The following GRHL2 variants were observed in gnomAD, a reference collection of about 807,000 sequenced individuals.
GRHL2 encodes the protein grainyhead like transcription factor 2, also known as grainyhead-like protein 2 homolog.
A neutral mutation model predicts 83.8 loss-of-function variants in GRHL2; 21 were observed. The observed-to-expected ratio is 0.25, with a 90% CI of 0.18 to 0.36. The LOEUF is 0.36. Ranked by LOEUF, GRHL2 falls within the 10% of genes least tolerant of loss-of-function variation. The pLI is 1.00. For missense variants in GRHL2, 623 were observed against 781.8 expected, an observed-to-expected ratio of 0.80 and a Z score of 2.42; for synonymous variants, 280 against 278.9, an observed-to-expected ratio of 1.00 and a Z score of -0.04.
At chr8:101,542,043 C>T (rs905729042) in intron 1 of GRHL2, among the ~76,000 whole-genome samples, 1 of 152,168 alleles carries the variant, frequency 6.6e-6, no homozygotes, top group Non-Finnish European at 1.5e-5. Flanking sequence ...TATCATTTTA[C>T]ACAGCATTAC....
chr8:101,533,758 G>A (rs1651694877), intron 1 of GRHL2, among the ~76,000 whole-genome samples: 1 of 152,188 alleles, frequency 6.6e-6, no homozygotes, highest in Non-Finnish European at 1.5e-5. Flanking sequence ...TAAAGGAGAT[G>A]AGAGAGCTAG....
intron 11 of GRHL2, 74 bp from the exon 12 acceptor site, chr8:101,636,817 TAGGAAA>T (rs1813296608): frequency 1.6e-6 from 2 of 1,262,632 alleles, no homozygotes; most frequent in Non-Finnish European, 1.2e-6. Context: ...GTTTATGCCT[TAGGAAA>T]GTCTGTACAT....
intron 8 of GRHL2, among the ~76,000 whole-genome samples, chr8:101,615,185 C>T (rs1192828105): frequency 6.6e-6 from 1 of 152,148 alleles, no homozygotes; most frequent in East Asian, 1.9e-4. Flanking sequence ...TTTATAACTC[C>T]TCCAGGGAAA....
At chr8:101,568,838 T>A (rs1017073647) in intron 4 of GRHL2, among the ~76,000 whole-genome samples, 1 of 152,156 alleles carries the variant, frequency 6.6e-6, no homozygotes, top group African/African-American at 2.4e-5. Context: ...CTGGGATTCA[T>A]GTGGGTAAAA....
chr8:101,638,710 A>G (rs775235891), intron 12 of GRHL2, among the ~76,000 whole-genome samples: 8 of 152,246 alleles, frequency 5.3e-5, no homozygotes, highest in Non-Finnish European at 1.0e-4. Context: ...TAAATTTTCT[A>G]AATGCCTAAT....
intron 1 of GRHL2, among the ~76,000 whole-genome samples, chr8:101,495,481 T>C (rs937198619): frequency 1.3e-5 from 2 of 152,216 alleles, no homozygotes; most frequent in Non-Finnish European, 1.5e-5. Context: ...TATTTTAAAA[T>C]TCTCTACTCC....
chr8:101,669,951 G>A (rs117809609), downstream of GRHL2, among the ~76,000 whole-genome samples: 2 of 152,192 alleles, frequency 1.3e-5, no homozygotes, highest in African/African-American at 4.8e-5. Flanking sequence ...GACCACGGCA[G>A]GCTCCCCAGG....
intron 4 of GRHL2, among the ~76,000 whole-genome samples, chr8:101,560,002 TTTTG>T (rs1186590757): frequency 1.3e-5 from 2 of 152,090 alleles, no homozygotes; most frequent in African/African-American, 4.8e-5. Context: ...GTTCTTGCTT[TTTTG>T]TTTGTTTGTT....
At chr8:101,618,460 C>T (rs904664807) in intron 8 of GRHL2, among the ~76,000 whole-genome samples, 7 of 152,120 alleles carry the variant, frequency 4.6e-5, no homozygotes, top group Non-Finnish European at 7.4e-5. Context: ...TCAGATCTTA[C>T]ATTTAACAAT....
chr8:101,645,096 C>T (rs1813482732), intron 13 of GRHL2, among the ~76,000 whole-genome samples: 1 of 149,892 alleles, frequency 6.7e-6, no homozygotes, highest in Admixed American at 6.6e-5. Context: ...CCTCTTGCCT[C>T]AGTCTGCCAG....
chr8:101,606,639 G>A (rs994310018), intron 8 of GRHL2, among the ~76,000 whole-genome samples: 1 of 152,218 alleles, frequency 6.6e-6, no homozygotes, highest in African/African-American at 2.4e-5. Flanking sequence ...CATTTGATGT[G>A]GCCTGGGTCA....
intron 1 of GRHL2, chr8:101,529,262 A>G: frequency 9.7e-6 from 2 of 206,910 alleles, no homozygotes; most frequent in Non-Finnish European, 1.9e-5. Flanking sequence ...GTGAAACCCC[A>G]TCTCTACTAA....
In GRHL2 at chr8:101,632,277, C is replaced by T. The variant is rs750611454; in HGVS notation, c.1397C>T (p.Thr466Ile). ...CCTTTACAGAAGAAGAGTGACATCA[C>T]CTACTTCAAAACCATGCCTGATCTC... ...AIPLQKKSDITYFKTMPDLHS... is the reference protein window; with the variant it reads ...AIPLQKKSDIIYFKTMPDLHS... Residue 466 changes from threonine (T) to isoleucine (I), a missense_variant, in exon 11 of 16, where the codon ACC (threonine) becomes ATC (isoleucine). Thr to Ile is a moderately conservative substitution (Grantham distance 89). This residue lies in a region of GRHL2 where 210 missense variants were observed against 254.8 expected (regional missense o/e 0.82). Coordinates refer to ENST00000646743, the MANE Select transcript of GRHL2 (RefSeq NM_024915.4). 2.7e-5 allele frequency: 44 copies of T among 1,613,974 alleles called. 2 individuals carry two copies. In the South Asian group the frequency reaches 4.6e-4, roughly 17 times the overall value.
intron 1 of GRHL2, among the ~76,000 whole-genome samples, chr8:101,509,321 T>C (rs770927625): frequency 3.0e-4 from 45 of 150,556 alleles, no homozygotes; most frequent in Non-Finnish European, 5.8e-4. Context: ...GAAGTCACTT[T>C]TCAAAGATAA....
chr8:101,493,412 A>G (rs914404450), intron 1 of GRHL2, among the ~76,000 whole-genome samples: 59 of 151,456 alleles, frequency 3.9e-4, no homozygotes, highest in Non-Finnish European at 6.5e-4. Flanking sequence ...CACTCCCTCG[A>G]CATCCCGCCT....
intron 1 of GRHL2, among the ~76,000 whole-genome samples, chr8:101,509,139 TTCCTTCCTTCCTTCCTTC>T (rs1810402797): frequency 2.5e-5 from 2 of 79,176 alleles, no homozygotes; most frequent in African/African-American, 7.2e-5. Flanking sequence ...CCTTCCTTCC[TTCCTTCCTTCCTTCCTTC>T]CTTTCTTTCT....
chr8:101,505,921 C>T (rs961883724), intron 1 of GRHL2, among the ~76,000 whole-genome samples: 8 of 152,148 alleles, frequency 5.3e-5, no homozygotes, highest in East Asian at 1.9e-4. Context: ...GAATTACAAG[C>T]TCCAAGTTTT....
intron 2 of GRHL2, among the ~76,000 whole-genome samples, chr8:101,547,241 T>C (rs959730059): frequency 4.6e-5 from 7 of 152,208 alleles, no homozygotes; most frequent in African/African-American, 1.7e-4. Context: ...TCTGTTTTTT[T>C]TTTTGGTTTA....
At chr8:101,523,071 C>T (rs62519107) in intron 1 of GRHL2, among the ~76,000 whole-genome samples, 7,984 of 151,348 alleles carry the variant, frequency 0.053, 247 homozygotes, top group African/African-American at 0.064. Context: ...CACCATGCCC[C>T]GCTAATTTTT....
Sources: allele counts gnomAD v4.1 joint callset (sites outside exome capture counted in the v4.1 genomes callset), GRCh38; gene constraint gnomAD v4.1.1; regional missense constraint gnomAD v4.1.1; transcripts MANE v1.5; gene names NCBI Gene and HGNC (gene_info 2026-07-23, HGNC 2026-07-21).